Variants in PHF24 observed in about 807,000 individuals in gnomAD.
The protein encoded by PHF24 is PHD finger protein 24.
A neutral mutation model predicts 42.6 loss-of-function variants in PHF24; 25 were observed. The observed-to-expected ratio is 0.59, with a 90% CI of 0.43 to 0.82. PHF24 has a LOEUF of 0.82. Ranked by LOEUF, PHF24 falls within the 40% of genes least tolerant of loss-of-function variation. PHF24 has a pLI of 0.00. For missense variants in PHF24, 470 were observed against 538.1 expected, an observed-to-expected ratio of 0.87 and a Z score of 1.25; for synonymous variants, 185 against 204.8, an observed-to-expected ratio of 0.90 and a Z score of 0.83.
At chr9:34,689,254 G>A in the PHF24 span, among the ~76,000 whole-genome samples, 1 of 152,184 alleles carries the variant, frequency 6.6e-6, no homozygotes, top group Admixed American at 6.5e-5. This position sits in a 1 kb window ranked among gnomAD's most constrained non-coding sequence, Gnocchi z 4.1. Context: ...AGAGCAAAGA[G>A]TGGGAGGCAT....
In PHF24 at chr9:34,976,519, G is replaced by A. The variant is rs558188921; in HGVS notation, c.644-16G>A. On this transcript the variant is annotated splice_polypyrimidine_tract_variant and intron_variant, in intron 4 of 7. Transcript: ENST00000242315. ...GAGGAAGGATGGGCATGGCTAGCAC[G>A]GGGTGCCTCCCACAGATTGCTCCCT... 1.1e-4 allele frequency: 183 copies of A among 1,605,644 alleles called. 2 individuals carry two copies. The South Asian group carries it at 1.8e-3, about 16-fold the overall frequency.
the PHF24 span, among the ~76,000 whole-genome samples, chr9:34,875,938 A>ACTCTCTCTCTCTCT: frequency 1.9e-4 from 17 of 88,538 alleles, no homozygotes; most frequent in South Asian, 3.9e-4. Context: ...ACACACACAC[A>ACTCTCTCTCTCTCT]CACACACACA....
chr9:34,826,964 A>T, the PHF24 span, among the ~76,000 whole-genome samples: 1 of 152,184 alleles, frequency 6.6e-6, no homozygotes, highest in Non-Finnish European at 1.5e-5. Flanking sequence ...TCAGCATTCC[A>T]CATAAGTCAT....
chr9:34,906,813 T>C, the PHF24 span, among the ~76,000 whole-genome samples: 1 of 152,074 alleles, frequency 6.6e-6, no homozygotes, highest in African/African-American at 2.4e-5. Flanking sequence ...TGAAATCCCC[T>C]CCATAGGGAT....
chr9:34,950,915 A>G, the PHF24 span, among the ~76,000 whole-genome samples: 14 of 152,226 alleles, frequency 9.2e-5, no homozygotes, highest in Non-Finnish European at 1.6e-4. Flanking sequence ...AATAAAATTG[A>G]CAAACTTCTA....
At chr9:34,905,506 C>T in the PHF24 span, among the ~76,000 whole-genome samples, 46 of 152,244 alleles carry the variant, frequency 3.0e-4, no homozygotes, top group Middle Eastern at 3.4e-3. Flanking sequence ...TACAATAATA[C>T]GGTATCTGAG....
chr9:34,937,372 CAT>C, the PHF24 span, among the ~76,000 whole-genome samples: 1 of 152,170 alleles, frequency 6.6e-6, no homozygotes, highest in African/African-American at 2.4e-5. Context: ...CTCTCTGAAA[CAT>C]GTGCTGTGTC....
At chr9:34,921,713 CAT>C in the PHF24 span, among the ~76,000 whole-genome samples, 1 of 152,204 alleles carries the variant, frequency 6.6e-6, no homozygotes, top group Non-Finnish European at 1.5e-5. Context: ...CATGGTTTAA[CAT>C]GTGGTATCTG....
chr9:34,925,209 G>A, the PHF24 span, among the ~76,000 whole-genome samples: 1 of 152,062 alleles, frequency 6.6e-6, no homozygotes, highest in African/African-American at 2.4e-5. Context: ...GGCTTGTAAG[G>A]CTTCTGCTGA....
the PHF24 span, among the ~76,000 whole-genome samples, chr9:34,705,612 CA>C: frequency 6.6e-6 from 1 of 152,092 alleles, no homozygotes; most frequent in Non-Finnish European, 1.5e-5. Flanking sequence ...ATACATGCAC[CA>C]AAAAAATTTA....
the PHF24 span, among the ~76,000 whole-genome samples, chr9:34,887,332 A>T: frequency 6.6e-6 from 1 of 152,184 alleles, no homozygotes; most frequent in Non-Finnish European, 1.5e-5. Flanking sequence ...TTAAGACATA[A>T]GTCAGATCTA....
the PHF24 span, among the ~76,000 whole-genome samples, chr9:34,754,754 C>T: frequency 6.6e-6 from 1 of 152,064 alleles, no homozygotes; most frequent in African/African-American, 2.4e-5. Context: ...ACCTGTACTC[C>T]CGTTTATTGC....
At chr9:34,724,136 C>A in the PHF24 span, 7 of 1,545,752 alleles carry the variant, frequency 4.5e-6, no homozygotes, top group Admixed American at 4.0e-5. Flanking sequence ...TGGGTCCTTG[C>A]TCTTGCTAGG....
intron 1 of PHF24, 97 bp from the exon 2 acceptor site, chr9:34,971,198 A>T (rs2132899537): frequency 7.4e-7 from 1 of 1,359,112 alleles, no homozygotes; most frequent in South Asian, 1.5e-5. Flanking sequence ...GAAGAGGGAG[A>T]AACTGTTTAA....
the PHF24 span, among the ~76,000 whole-genome samples, chr9:34,719,036 CT>C: frequency 1.3e-5 from 2 of 152,112 alleles, no homozygotes; most frequent in African/African-American, 4.8e-5. Flanking sequence ...AGTAAATTTT[CT>C]TTTTTCTTTT....
the PHF24 span, among the ~76,000 whole-genome samples, chr9:34,785,337 A>C: frequency 6.6e-6 from 1 of 152,232 alleles, no homozygotes; most frequent in East Asian, 1.9e-4. Flanking sequence ...TTCATGACTT[A>C]ATCACTTCCC....
chr9:34,668,346 A>C, the PHF24 span, among the ~76,000 whole-genome samples: 2 of 152,218 alleles, frequency 1.3e-5, no homozygotes, highest in Non-Finnish European at 2.9e-5. Flanking sequence ...TGATACATAC[A>C]GGAACAGCTG....
At chr9:34,922,946 C>A in the PHF24 span, 13 of 1,383,148 alleles carry the variant, frequency 9.4e-6, no homozygotes, top group Admixed American at 2.2e-4. Flanking sequence ...GCAGTGGTCT[C>A]ACCTTGTGTC....
chr9:34,828,835 T>C, the PHF24 span, among the ~76,000 whole-genome samples: 1 of 152,200 alleles, frequency 6.6e-6, no homozygotes, highest in Non-Finnish European at 1.5e-5. Flanking sequence ...CAGTTAACTT[T>C]AGAGTGTCCT....
Sources: gnomAD v4.1 joint callset for allele counts (sites outside exome capture counted in the v4.1 genomes callset) on GRCh38, gnomAD v4.1.1 for gene constraint, Gnocchi (gnomAD v3.1) non-coding constraint, MANE v1.5 for transcripts, NCBI Gene and HGNC (gene_info 2026-07-23, HGNC 2026-07-21) for gene names.